Variants in SUSD4 observed in about 807,000 individuals in gnomAD.
SUSD4 encodes the protein sushi domain containing 4, also known as sushi domain-containing protein 4.
SUSD4 carries 41 observed loss-of-function variants against 50.5 expected under a neutral mutation model. The ratio of observed to expected loss-of-function variants is 0.81; its 90% CI spans 0.63 to 1.05. SUSD4 has a LOEUF of 1.05. Ranked by LOEUF, SUSD4 falls within the 50% of genes least tolerant of loss-of-function variation. The probability of loss-of-function intolerance (pLI) is 0.00; values close to 1 mark genes in which losing one functional copy is unlikely to be tolerated. For synonymous variants in SUSD4, 257 were observed against 257.3 expected, an observed-to-expected ratio of 1.00 and a Z score of 0.01; for missense variants, 580 against 634.7, an observed-to-expected ratio of 0.91 and a Z score of 0.93.
At chr1:223,236,670 G>A (rs559988730) in intron 5 of SUSD4, among the ~76,000 whole-genome samples, 11 of 151,570 alleles carry the variant, frequency 7.3e-5, no homozygotes, top group South Asian at 2.1e-4. Flanking sequence ...CTATATTTAC[G>A]TAAGTCTATT....
chr1:223,278,810 A>AC (rs1251234647), intron 3 of SUSD4, among the ~76,000 whole-genome samples: 1 of 152,006 alleles, frequency 6.6e-6, no homozygotes, highest in Non-Finnish European at 1.5e-5. Flanking sequence ...ACTGGGAGGC[A>AC]CCCCCCGAGT....
At chr1:223,278,216 G>C (rs995987466) in intron 3 of SUSD4, among the ~76,000 whole-genome samples, 3 of 152,126 alleles carry the variant, frequency 2.0e-5, no homozygotes, top group African/African-American at 7.2e-5. Flanking sequence ...AGACAGTGGG[G>C]GTAGGACAGT....
intron 3 of SUSD4, among the ~76,000 whole-genome samples, chr1:223,269,286 C>A (rs947100985): frequency 3.3e-5 from 5 of 152,172 alleles, no homozygotes; most frequent in Non-Finnish European, 7.3e-5. Flanking sequence ...TCAGAGCAAG[C>A]CACTGTGCTG....
At chr1:223,228,601 T>G (rs1354223797) in intron 6 of SUSD4, among the ~76,000 whole-genome samples, 1 of 152,168 alleles carries the variant, frequency 6.6e-6, no homozygotes, top group Non-Finnish European at 1.5e-5. Context: ...TGCAATTAAG[T>G]CATTTGCTTT....
rs529920359 is a variant in SUSD4, at chr1:223,240,809, T to A, written c.725-11421A>T. 1.1e-4 allele frequency among the ~76,000 whole-genome samples: 17 copies of A among 152,334 alleles called. No homozygotes were observed. In the East Asian group the frequency reaches 1.2e-3, roughly 10 times the overall value. On this transcript the variant is annotated intron_variant, in intron 5 of 8. Transcript: ENST00000366878. ...GTCTGCTTCTGATGCTTTCTCTGTA[T>A]CTTCAAATTTGTGTTTTTTGCCTTT...
chr1:223,239,003 T>C (rs1170871181), intron 5 of SUSD4, among the ~76,000 whole-genome samples: 3 of 152,030 alleles, frequency 2.0e-5, no homozygotes, highest in East Asian at 3.9e-4. Context: ...CTCATGTAGT[T>C]TGATGTTCTG....
intron 5 of SUSD4, among the ~76,000 whole-genome samples, chr1:223,240,312 C>T (rs745583702): frequency 7.2e-5 from 11 of 151,962 alleles, no homozygotes; most frequent in South Asian, 2.1e-4. Context: ...TCTGGTTTTC[C>T]GAGCTTCCTG....
intron 5 of SUSD4, among the ~76,000 whole-genome samples, chr1:223,263,179 A>G (rs933105841): frequency 6.6e-6 from 1 of 152,184 alleles, no homozygotes; most frequent in African/African-American, 2.4e-5. Flanking sequence ...GAGTAGGGAG[A>G]AGCCTCCAGA....
chr1:223,262,492 A>G (rs1662192417), intron 5 of SUSD4, among the ~76,000 whole-genome samples: 1 of 152,236 alleles, frequency 6.6e-6, no homozygotes, highest in South Asian at 2.1e-4. Flanking sequence ...ACAGTGCATA[A>G]CTAAGGCACC....
At chr1:223,308,837 A>G (rs188428580) in intron 2 of SUSD4, among the ~76,000 whole-genome samples, 7 of 152,288 alleles carry the variant, frequency 4.6e-5, no homozygotes, top group African/African-American at 1.7e-4. Flanking sequence ...TTTGCCCCCT[A>G]CTACTGGAAT....
intron 2 of SUSD4, among the ~76,000 whole-genome samples, chr1:223,293,913 A>T (rs139018004): frequency 2.3e-4 from 35 of 152,168 alleles, no homozygotes; most frequent in African/African-American, 7.5e-4. Context: ...GGTGAGTGAG[A>T]GATCTAAGAG....
In SUSD4 at chr1:223,268,776, T is replaced by C. The variant is rs192633702; in HGVS notation, c.362-101A>G. On this transcript the variant is annotated intron_variant, in intron 3 of 8. Transcript: ENST00000366878. ...CTTATTTTCAGACTTGGTCTCAACC[T>C]ACACAGCAATCTGATAAATGGTACC... 3.0e-4 allele frequency: 360 copies of C among 1,202,300 alleles called. 1 individual carries two copies. The highest frequency in any genetic ancestry group is 3.8e-4 in the Non-Finnish European group (324 of 856,084). The allele number at this position is 1,202,300 out of a possible 1,614,324, so 74.5% of individuals were successfully genotyped here.
At position 223,229,152 on chromosome 1, in the gene SUSD4, C is replaced by T. The variant is rs1371085910; in HGVS notation, c.916+45G>A. 6.4e-7 allele frequency: 1 copy of T among 1,558,916 alleles called. No homozygotes were observed. Among genetic ancestry groups the T allele is most frequent in the Non-Finnish European group, 8.8e-7 (1 of 1,141,678 alleles). On this transcript the variant is annotated intron_variant, in intron 6 of 8. Transcript: ENST00000366878. This position sits in a 1 kb window ranked among gnomAD's most constrained non-coding sequence, Gnocchi z 4.7. ...CCACCACCCACTATGTGCAGATGGT[C>T]CAAGGAGGGTCCATCTCCTCCAAGG...
At chr1:223,321,408 C>T (rs1203877592) in intron 2 of SUSD4, among the ~76,000 whole-genome samples, 2 of 152,172 alleles carry the variant, frequency 1.3e-5, no homozygotes, top group Non-Finnish European at 2.9e-5. Context: ...CTGGCCAGGG[C>T]TGTTACGAGG....
At chr1:223,342,075 G>T (rs1270075376) in intron 2 of SUSD4, among the ~76,000 whole-genome samples, 1 of 152,068 alleles carries the variant, frequency 6.6e-6, no homozygotes, top group Non-Finnish European at 1.5e-5. Context: ...TTCCTTCCTA[G>T]TCATGGCTGA....
intron 2 of SUSD4, among the ~76,000 whole-genome samples, chr1:223,316,817 G>A (rs78391466): frequency 0.012 from 1,768 of 152,198 alleles, 28 homozygotes; most frequent in African/African-American, 0.04. Context: ...GGCCCCCTCC[G>A]CCTCCCTGCA....
chr1:223,314,087 A>C (rs1850562), intron 2 of SUSD4, among the ~76,000 whole-genome samples: 82,120 of 151,978 alleles, frequency 0.54, 22,204 homozygotes, highest in African/African-American at 0.58. Context: ...TAAACTTGCT[A>C]TCACTTTACT....
At position 223,223,480 on chromosome 1, in the gene SUSD4, G is replaced by T. The variant is rs1558158739; in HGVS notation, c.1213C>A (p.Pro405Thr). 1 of 1,613,764 alleles carries T rather than the reference G, an allele frequency of 6.2e-7. No homozygotes were observed. Among genetic ancestry groups the T allele is most frequent in the South Asian group, 1.1e-5 (1 of 91,054 alleles). The change falls in exon 8 of 9, where the codon CCC becomes ACC. Residue 405 changes from proline (P) to threonine (T), a missense_variant. Pro to Thr is a conservative substitution (Grantham distance 38, BLOSUM62 -1). Coordinates refer to ENST00000366878, the MANE Select transcript of SUSD4 (RefSeq NM_017982.4). ...GCTGGGGGGCTCTGGTCGTCCACGGGTAAGGGGCAGCCCTGGCCCACAGAG... is the reference window on the plus strand; with the variant it reads ...GCTGGGGGGCTCTGGTCGTCCACGGTTAAGGGGCAGCCCTGGCCCACAGAG... ...MASVGQGCPL[P>T]VDDQSPPAYP...
intron 2 of SUSD4, among the ~76,000 whole-genome samples, chr1:223,297,278 A>C (rs1244907372): frequency 6.6e-6 from 1 of 152,220 alleles, no homozygotes; most frequent in Non-Finnish European, 1.5e-5. Flanking sequence ...GCTTAGTGTG[A>C]ACAGAAGAAC....
Sources: gnomAD v4.1 joint callset for allele counts (sites outside exome capture counted in the v4.1 genomes callset) on GRCh38, gnomAD v4.1.1 for gene constraint, Gnocchi (gnomAD v3.1) non-coding constraint, MANE v1.5 for transcripts, NCBI Gene and HGNC (gene_info 2026-07-23, HGNC 2026-07-21) for gene names.